The following ABCC4 variants were observed in gnomAD, a reference collection of about 807,000 sequenced individuals.
The protein encoded by ABCC4 is ATP-binding cassette sub-family C member 4.
ABCC4 carries 102 observed loss-of-function variants against 168.5 expected under a neutral mutation model. The ratio of observed to expected loss-of-function variants is 0.61; its 90% CI spans 0.52 to 0.71. The LOEUF is 0.71. Ranked by LOEUF, ABCC4 falls within the 30% of genes least tolerant of loss-of-function variation. The probability of loss-of-function intolerance (pLI) is 0.00; values close to 1 mark genes in which losing one functional copy is unlikely to be tolerated. For synonymous variants in ABCC4, 617 were observed against 590.7 expected, an observed-to-expected ratio of 1.04 and a Z score of -0.65; for missense variants, 1,402 against 1,605.8, an observed-to-expected ratio of 0.87 and a Z score of 2.17.
At chr13:95,238,177 G>A (rs1191899046) in intron 3 of ABCC4, among the ~76,000 whole-genome samples, 3 of 120,558 alleles carry the variant, frequency 2.5e-5, no homozygotes, top group Non-Finnish European at 4.7e-5. Flanking sequence ...CTGGAGAACA[G>A]CACAAGACTC....
chr13:95,254,508 T>G (rs2040346934), intron 1 of ABCC4, among the ~76,000 whole-genome samples: 1 of 152,146 alleles, frequency 6.6e-6, no homozygotes, highest in Non-Finnish European at 1.5e-5. Flanking sequence ...GAACACCTTT[T>G]CATCCCACAA....
chr13:95,213,919 A>C (rs1454161948), intron 4 of ABCC4, among the ~76,000 whole-genome samples: 1 of 152,200 alleles, frequency 6.6e-6, no homozygotes, highest in Non-Finnish European at 1.5e-5. Context: ...GGAAACAATA[A>C]AATGTGACCT....
chr13:95,163,589 A>C (rs755294187), intron 17 of ABCC4, 21 bp downstream of exon 17: 7 of 1,603,470 alleles, frequency 4.4e-6, no homozygotes, highest in Non-Finnish European at 5.1e-6. Flanking sequence ...TATTTCATAC[A>C]TCAGACCAGA....
At chr13:95,297,118 A>G (rs554264640) in intron 1 of ABCC4, among the ~76,000 whole-genome samples, 27 of 152,118 alleles carry the variant, frequency 1.8e-4, no homozygotes, top group Non-Finnish European at 3.4e-4. Flanking sequence ...TAAAAACATG[A>G]AAATTAGCCA....
intron 1 of ABCC4, among the ~76,000 whole-genome samples, chr13:95,262,675 C>G (rs2138855513): frequency 6.6e-6 from 1 of 151,572 alleles, no homozygotes; most frequent in Non-Finnish European, 1.5e-5. Context: ...CTCTGTTGCC[C>G]AGGCTGGAGT....
At chr13:95,291,588 G>A (rs905268899) in intron 1 of ABCC4, among the ~76,000 whole-genome samples, 7 of 152,300 alleles carry the variant, frequency 4.6e-5, no homozygotes, top group East Asian at 3.9e-4. Context: ...CAGCAACAAT[G>A]AGCTGCTAAA....
chr13:95,119,538 G>A (rs1007807039), intron 19 of ABCC4, among the ~76,000 whole-genome samples: 11 of 152,264 alleles, frequency 7.2e-5, no homozygotes, highest in Non-Finnish European at 1.5e-4. Context: ...TATAAAAGGT[G>A]TTAATGAACT....
At chr13:95,289,180 T>C (rs2041332933) in intron 1 of ABCC4, among the ~76,000 whole-genome samples, 1 of 152,206 alleles carries the variant, frequency 6.6e-6, no homozygotes, top group African/African-American at 2.4e-5. Flanking sequence ...TTACATAATC[T>C]CAATCACATC....
At chr13:95,232,419 C>T (rs1161797880) in intron 4 of ABCC4, among the ~76,000 whole-genome samples, 2 of 152,130 alleles carry the variant, frequency 1.3e-5, no homozygotes, top group African/African-American at 4.8e-5. Flanking sequence ...TGGCTCCCAC[C>T]TGTAATCCCA....
rs1246870484 is a variant in ABCC4 at position 95,188,491 on chromosome 13, C to T, written c.1315G>A (p.Glu439Lys). Reference protein sequence around the residue: ...QGLSFTVRPGELLAVVGPVGA... With the variant: ...QGLSFTVRPGKLLAVVGPVGA... ...ACGGGGCCGACCACAGCTAACAATT[C>T]GCCAGGTCTGACAGTAAAGGAAAGG... The change falls in exon 10 of 31, where the codon GAA becomes AAA. Residue 439 changes from glutamate (E) to lysine (K), a missense_variant. By Grantham distance (56) the Glu-to-Lys change is moderately conservative. Around this residue, in one of 3 missense-constraint regions of ABCC4, gnomAD observed 1,007 missense variants for 1,127.3 expected, o/e 0.89. Coordinates refer to ENST00000645237, the MANE Select transcript of ABCC4 (RefSeq NM_005845.5). 2.5e-6 allele frequency: 4 copies of T among 1,613,996 alleles called. No homozygotes were observed. Among genetic ancestry groups the T allele is most frequent in the Non-Finnish European group, 3.4e-6 (4 of 1,180,008 alleles).
intron 20 of ABCC4, among the ~76,000 whole-genome samples, chr13:95,115,706 G>C (rs948325085): frequency 5.3e-5 from 8 of 152,056 alleles, no homozygotes; most frequent in Admixed American, 4.6e-4. Flanking sequence ...TAACCCTGAC[G>C]CGACTGTATA....
chr13:95,224,388 A>T (rs561038820), intron 4 of ABCC4, among the ~76,000 whole-genome samples: 22 of 152,110 alleles, frequency 1.4e-4, no homozygotes, highest in South Asian at 2.1e-4. Context: ...AAAAAAAAAA[A>T]TTTGTTCAGA....
chr13:95,111,252 G>A (rs1594112586), intron 20 of ABCC4, among the ~76,000 whole-genome samples: 4 of 152,304 alleles, frequency 2.6e-5, no homozygotes, highest in Admixed American at 2.6e-4. Context: ...AAATATTGTA[G>A]ATGTTCAAAG....
Position 95,032,619 on chromosome 13 carries a change from T to G in ABCC4, c.3870+1986A>C, listed in dbSNP as rs893552604. The stretch of plus-strand genomic sequence containing the variant: ...ACCTAGGTTTTATTTGGATAAATCT[T>G]TAATACAGAAATACCATTAGATATG... On this transcript the variant is annotated intron_variant, in intron 30 of 30. Transcript: ENST00000645237. 2.6e-5 allele frequency among the ~76,000 whole-genome samples: 4 copies of G among 152,326 alleles called. No individual in the cohort carries two copies. In the South Asian group the frequency reaches 8.3e-4, roughly 32 times the overall value.
At chr13:95,157,197 A>C (rs759549586) in intron 19 of ABCC4, among the ~76,000 whole-genome samples, 133 of 151,888 alleles carry the variant, frequency 8.8e-4, no homozygotes, top group Admixed American at 2.2e-3. Context: ...CTGGGGGCCC[A>C]GCCCGCTCCC....
chr13:95,291,806 G>A (rs1174003233), intron 1 of ABCC4, among the ~76,000 whole-genome samples: 2 of 152,154 alleles, frequency 1.3e-5, no homozygotes, highest in South Asian at 2.1e-4. Context: ...TATTAGCTGG[G>A]TGTGGTGGCG....
chr13:95,074,348 C>G (rs1260815833), intron 22 of ABCC4, 24 bp from the exon 23 acceptor site: 1 of 1,561,692 alleles, frequency 6.4e-7, no homozygotes, highest in Non-Finnish European at 8.8e-7. Flanking sequence ...CGGTAATAAG[C>G]ATGATGAATA....
At chr13:95,109,177 T>C (rs1218003664) in intron 20 of ABCC4, among the ~76,000 whole-genome samples, 1 of 151,954 alleles carries the variant, frequency 6.6e-6, no homozygotes, top group Non-Finnish European at 1.5e-5. Flanking sequence ...CGACTATGAG[T>C]GAAGTTTAAA....
chr13:95,177,965 A>G (rs749390507), intron 12 of ABCC4, 32 bp downstream of exon 12: 9 of 1,607,908 alleles, frequency 5.6e-6, no homozygotes, highest in Middle Eastern at 1.6e-4. Flanking sequence ...ATCAAAAGAC[A>G]CCGGCATAGT....
Sources: allele counts gnomAD v4.1 joint callset (sites outside exome capture counted in the v4.1 genomes callset), GRCh38; gene constraint gnomAD v4.1.1; regional missense constraint gnomAD v4.1.1; transcripts MANE v1.5; gene names NCBI Gene and HGNC (gene_info 2026-07-23, HGNC 2026-07-21).